TTC3: variants seen among roughly 807,000 people sequenced by gnomAD.
The protein encoded by TTC3 is tetratricopeptide repeat domain 3.
A neutral mutation model predicts 249.6 loss-of-function variants in TTC3; 180 were observed. That is an observed-to-expected ratio of 0.72 (90% CI 0.64 to 0.82). TTC3 has a LOEUF of 0.82. Among genes scored for constraint, TTC3 ranks in the 40% least tolerant of loss-of-function variants. The pLI is 0.00. For missense variants in TTC3, 2,061 were observed against 2,398.4 expected (o/e 0.86, Z 2.94); for synonymous variants, 717 against 805.0 (o/e 0.89, Z 1.85).
exon 33 of TTC3, chr21:37,166,003 A>G: frequency 1.2e-6 from 2 of 1,614,178 alleles, no homozygotes; most frequent in Non-Finnish European, 1.7e-6. Context: ...ATTCTTCTAG[A>G]CAAGTTTCTG....
At chr21:37,116,622 CA>C (rs34528778) in intron 11 of TTC3, among the ~76,000 whole-genome samples, 68,540 of 151,242 alleles carry the variant, frequency 0.45, 16,032 homozygotes, top group Non-Finnish European at 0.52. Flanking sequence ...CCAGCCTGGC[CA>C]ACATGTGAAA....
chr21:37,159,100 CTCTA>C (rs1406076388), intron 28 of TTC3, among the ~76,000 whole-genome samples: 1 of 152,102 alleles, frequency 6.6e-6, no homozygotes, highest in Non-Finnish European at 1.5e-5. Context: ...CATCATCATC[CTCTA>C]TCTCTGAGCA....
At chr21:37,156,930 A>T (rs775386005) in intron 28 of TTC3, 24 bp downstream of exon 28, 3 of 1,601,038 alleles carry the variant, frequency 1.9e-6, no homozygotes, top group Non-Finnish European at 1.7e-6. Context: ...GTTTAGACTT[A>T]TATTACATTT....
Position 37,124,775 on chromosome 21 carries a change from A to G in TTC3, c.1233+33A>G, listed in dbSNP as rs745782605. 4 of 1,603,904 alleles carry G rather than the reference A, an allele frequency of 2.5e-6. No individual in the cohort carries two copies. In the Admixed American group the frequency reaches 6.9e-5, roughly 28 times the overall value. ...CCATTGAAAACTACAGTTTTTTTCA[A>G]GGATAGATAGTCTCATATTTTTACA... On this transcript the variant is annotated intron_variant, in intron 14 of 45. Transcript: ENST00000355666.
In TTC3 at chr21:37,123,140, T is replaced by C; in HGVS notation, c.1109+112T>C. 3 of 1,110,244 alleles carry C rather than the reference T, an allele frequency of 2.7e-6. No homozygotes were observed. The South Asian group carries it at 3.9e-5, about 14-fold the overall frequency. The allele number at this position is 1,110,244 out of a possible 1,614,324, so 68.8% of individuals were successfully genotyped here. ...GAGCTAATAGCAACCACAGTAAAGT[T>C]GGAGATGGAAGGAAGAGAGGTAGTT... On this transcript the variant is annotated intron_variant, in intron 13 of 45. Transcript: ENST00000355666.
At chr21:37,115,082 T>G (rs910710135) in intron 11 of TTC3, among the ~76,000 whole-genome samples, 1 of 151,840 alleles carries the variant, frequency 6.6e-6, no homozygotes, top group Non-Finnish European at 1.5e-5. Flanking sequence ...TAATGCTAAA[T>G]GACGAGTTAA....
At chr21:37,144,921 A>G (rs2078856205) in intron 21 of TTC3, among the ~76,000 whole-genome samples, 1 of 152,210 alleles carries the variant, frequency 6.6e-6, no homozygotes, top group Non-Finnish European at 1.5e-5. Flanking sequence ...GGTTAAGTTT[A>G]GAGAGGTGAA....
chr21:37,078,249 A>C (rs1159957038), intron 1 of TTC3, among the ~76,000 whole-genome samples: 1 of 151,976 alleles, frequency 6.6e-6, no homozygotes, highest in Non-Finnish European at 1.5e-5. Context: ...TTAATACTAT[A>C]GTTTTACCTG....
intron 41 of TTC3, among the ~76,000 whole-genome samples, chr21:37,193,015 GA>G (rs1423363883): frequency 1.3e-5 from 2 of 152,138 alleles, no homozygotes; most frequent in African/African-American, 4.8e-5. Context: ...AGGTAAAAAA[GA>G]AAAACAAAAT....
chr21:37,081,363 G>T (rs1008772965), intron 1 of TTC3, among the ~76,000 whole-genome samples: 1 of 151,940 alleles, frequency 6.6e-6, no homozygotes, highest in Admixed American at 6.6e-5. Context: ...TGATCTGTCC[G>T]CCTCAGCCTC....
intron 31 of TTC3, among the ~76,000 whole-genome samples, chr21:37,162,529 A>G (rs1021426147): frequency 6.6e-6 from 1 of 152,224 alleles, no homozygotes; most frequent in African/African-American, 2.4e-5. Flanking sequence ...CTGAGTTTTC[A>G]ATAAACAAAT....
At chr21:37,100,930 C>G (rs1222628733) in intron 10 of TTC3, 1 of 152,230 alleles carries the variant, frequency 6.6e-6, no homozygotes, top group African/African-American at 2.4e-5. Flanking sequence ...ACAAAGGAAT[C>G]AGTCATATCT....
intron 43 of TTC3, 77 bp from the exon 44 acceptor site, chr21:37,197,805 A>G: frequency 6.4e-7 from 1 of 1,565,178 alleles, no homozygotes; most frequent in Non-Finnish European, 8.6e-7. Context: ...TGTACTAAAG[A>G]CAGAAGATGG....
intron 27 of TTC3, among the ~76,000 whole-genome samples, chr21:37,154,184 A>G (rs1206068494): frequency 1.3e-5 from 2 of 152,214 alleles, no homozygotes; most frequent in African/African-American, 2.4e-5. Context: ...GTCGGCAGCT[A>G]TTAGATAAGA....
At chr21:37,197,542 G>A in intron 42 of TTC3, 28 bp from the exon 43 acceptor site, 2 of 1,611,572 alleles carry the variant, frequency 1.2e-6, no homozygotes, top group Non-Finnish European at 1.7e-6. Flanking sequence ...ACTTTCTGTT[G>A]TCATTCATCA....
chr21:37,100,654 G>A (rs2074392766), intron 10 of TTC3, among the ~76,000 whole-genome samples: 1 of 152,208 alleles, frequency 6.6e-6, no homozygotes, highest in African/African-American at 2.4e-5. Flanking sequence ...CTTGGAAAAC[G>A]CAGGAGATGG....
chr21:37,081,615 G>A (rs2071672855), intron 1 of TTC3: 1 of 151,932 alleles, frequency 6.6e-6, no homozygotes, highest in South Asian at 2.1e-4. Context: ...TAAATATTAT[G>A]TCTCATTAGT....
At chr21:37,126,190 T>C in intron 15 of TTC3, 47 bp downstream of exon 15, 1 of 1,583,332 alleles carries the variant, frequency 6.3e-7, no homozygotes, top group Non-Finnish European at 8.6e-7. Context: ...ATATAATGTC[T>C]CCTAAATTTG....
At chr21:37,090,542 A>G in intron 6 of TTC3, 1 of 934,760 alleles carries the variant, frequency 1.1e-6, no homozygotes, top group Non-Finnish European at 1.3e-6. Context: ...TCTCTTTTAG[A>G]TTATTTACCT....
Sources: allele counts gnomAD v4.1 joint callset (sites outside exome capture counted in the v4.1 genomes callset), GRCh38; gene constraint gnomAD v4.1.1; transcripts MANE v1.5; gene names NCBI Gene and HGNC (gene_info 2026-07-23, HGNC 2026-07-21).